Variants in NPAS3 observed in about 807,000 individuals in gnomAD.
NPAS3 encodes neuronal PAS domain-containing protein 3.
Under a neutral mutation model 73.1 loss-of-function variants are expected in NPAS3, and 14 were observed. The ratio of observed to expected loss-of-function variants is 0.19; its 90% confidence interval spans 0.13 to 0.30. NPAS3 has a LOEUF of 0.30. NPAS3 is among the 10% of genes least tolerant of loss of function. The probability of loss-of-function intolerance (pLI) is 1.00; values close to 1 mark genes in which losing one functional copy is unlikely to be tolerated. For synonymous variants in NPAS3, 620 were observed against 541.5 expected (o/e 1.14, Z -2.01); for missense variants, 1,096 against 1,250.0 (o/e 0.88, Z 1.86).
At chr14:33,445,932 C>CTT (rs386381059) in intron 4 of NPAS3, among the ~76,000 whole-genome samples, 31,800 of 133,928 alleles carry the variant, frequency 0.24, 4,285 homozygotes, top group East Asian at 0.59. Flanking sequence ...GAGTGTTGCA[C>CTT]TTTTTTTTTT....
At chr14:33,600,789 A>G (rs897854717) in intron 5 of NPAS3, among the ~76,000 whole-genome samples, 1 of 152,250 alleles carries the variant, frequency 6.6e-6, no homozygotes, top group African/African-American at 2.4e-5. Context: ...TCCAAACAGC[A>G]TAAGTCTAAA....
At chr14:33,613,706 C>T (rs1317720172) in intron 5 of NPAS3, among the ~76,000 whole-genome samples, 1 of 152,132 alleles carries the variant, frequency 6.6e-6, no homozygotes, top group Non-Finnish European at 1.5e-5. Context: ...CTCCCTGAAG[C>T]GTTTCCTAAC....
intron 4 of NPAS3, among the ~76,000 whole-genome samples, chr14:33,393,600 C>T (rs1006642692): frequency 6.6e-6 from 1 of 152,144 alleles, no homozygotes; most frequent in African/African-American, 2.4e-5. Context: ...ATGTAACAAA[C>T]TGAAATAGAG....
At chr14:33,021,037 T>C (rs1208711927) in intron 1 of NPAS3, among the ~76,000 whole-genome samples, 2 of 152,184 alleles carry the variant, frequency 1.3e-5, no homozygotes, top group Non-Finnish European at 2.9e-5. Context: ...TTCAGGGCAT[T>C]ACAGGCGTGA....
intron 1 of NPAS3, among the ~76,000 whole-genome samples, chr14:33,035,860 C>G (rs2040148876): frequency 1.3e-5 from 2 of 152,126 alleles, no homozygotes; most frequent in African/African-American, 4.8e-5. Context: ...TGCCGGTGCT[C>G]TTTGGTCATT....
chr14:33,518,592 A>ATTT (rs71433619), intron 4 of NPAS3, among the ~76,000 whole-genome samples: 32,230 of 128,576 alleles, frequency 0.25, 4,986 homozygotes, highest in East Asian at 0.41. Context: ...GACATCAAGG[A>ATTT]TTTTTTTTTT....
At chr14:33,306,637 T>A (rs750586212) in intron 3 of NPAS3, among the ~76,000 whole-genome samples, 5 of 152,120 alleles carry the variant, frequency 3.3e-5, no homozygotes, top group African/African-American at 4.8e-5. Flanking sequence ...TCATTTGGAG[T>A]TCATTAATTT....
intron 3 of NPAS3, among the ~76,000 whole-genome samples, chr14:33,326,834 G>A (rs1006396812): frequency 1.3e-5 from 2 of 152,142 alleles, no homozygotes; most frequent in African/African-American, 4.8e-5. Context: ...AGCTTGCAAA[G>A]AAATGTCGGT....
chr14:33,445,630 A>G (rs569505251), intron 4 of NPAS3, among the ~76,000 whole-genome samples: 126 of 152,364 alleles, frequency 8.3e-4, no homozygotes, highest in Non-Finnish European at 1.5e-3. Context: ...AAGGATGAAG[A>G]TATTTCCCCA....
chr14:33,655,121 CT>C (rs1020217268), intron 5 of NPAS3, among the ~76,000 whole-genome samples: 2 of 152,092 alleles, frequency 1.3e-5, no homozygotes, highest in African/African-American at 4.8e-5. Flanking sequence ...CAGCCCCTTC[CT>C]TTTATACATG....
intron 7 of NPAS3, among the ~76,000 whole-genome samples, chr14:33,759,960 A>G (rs2062232096): frequency 6.6e-6 from 1 of 152,252 alleles, no homozygotes; most frequent in African/African-American, 2.4e-5. Context: ...AAAAATATCA[A>G]GACTTCCTTA....
rs1000899504 is a variant in NPAS3 at position 33,283,797 on chromosome 14, C to T, written c.385+68371C>T. ...ACCGTAAGAAAGTTGTTGTGGGCAT[C>T]ACATATCAGATTTTCTTTCTCTGAG... On this transcript the variant is annotated intron_variant, in intron 3 of 11. Transcript: ENST00000356141. Among the ~76,000 whole-genome samples the T allele has an allele frequency of 3.3e-4, 50 of 152,138 alleles. 2 individuals carry two copies. Among genetic ancestry groups the T allele is most frequent in the Non-Finnish European group, 1.5e-5 (1 of 68,016 alleles).
intron 1 of NPAS3, among the ~76,000 whole-genome samples, chr14:33,013,356 G>GA (rs1313487265): frequency 2.0e-5 from 3 of 152,160 alleles, no homozygotes; most frequent in African/African-American, 7.2e-5. Context: ...GAAAAAGTCT[G>GA]AAATGGAATT....
chr14:33,077,605 G>A (rs1595389923), intron 2 of NPAS3, among the ~76,000 whole-genome samples: 1 of 152,124 alleles, frequency 6.6e-6, no homozygotes, highest in Non-Finnish European at 1.5e-5. Context: ...ATGTTTGAAA[G>A]TGTAAAAGAA....
chr14:33,478,892 A>G (rs2051175479), intron 4 of NPAS3, among the ~76,000 whole-genome samples: 1 of 152,090 alleles, frequency 6.6e-6, no homozygotes, highest in Non-Finnish European at 1.5e-5. Flanking sequence ...ATTTGCCTTT[A>G]ACTCTCTGGC....
intron 4 of NPAS3, among the ~76,000 whole-genome samples, chr14:33,394,574 C>T (rs555193354): frequency 6.6e-6 from 1 of 152,060 alleles, no homozygotes; most frequent in African/African-American, 2.4e-5. Context: ...ATAGCTAGAA[C>T]TTTTTTAGCT....
chr14:33,178,324 C>T (rs1162262102), intron 2 of NPAS3, among the ~76,000 whole-genome samples: 5 of 152,034 alleles, frequency 3.3e-5, no homozygotes, highest in African/African-American at 7.2e-5. Context: ...CTGCCTGCCT[C>T]GGCCTCCCAA....
chr14:33,387,219 T>C (rs1350160451), intron 4 of NPAS3, among the ~76,000 whole-genome samples: 1 of 152,172 alleles, frequency 6.6e-6, no homozygotes, highest in Non-Finnish European at 1.5e-5. Context: ...GTAATAATCA[T>C]TTTAAGCTAC....
intron 1 of NPAS3, among the ~76,000 whole-genome samples, chr14:32,990,967 G>A (rs1206102215): frequency 6.9e-6 from 1 of 145,862 alleles, no homozygotes; most frequent in Admixed American, 6.8e-5. Flanking sequence ...CTGATTGGAG[G>A]ATTAATCCAT....
Sources: allele counts gnomAD v4.1 joint callset (sites outside exome capture counted in the v4.1 genomes callset), GRCh38; gene constraint gnomAD v4.1.1; transcripts MANE v1.5; gene names NCBI Gene and HGNC (gene_info 2026-07-23, HGNC 2026-07-21).